The following THSD7B variants were observed in gnomAD, a reference collection of about 807,000 sequenced individuals.
THSD7B encodes the protein thrombospondin type-1 domain-containing protein 7B.
Under a neutral mutation model 213.6 loss-of-function variants are expected in THSD7B, and 138 were observed. The observed-to-expected ratio is 0.65, with a 90% CI of 0.56 to 0.74. The LOEUF (loss-of-function observed/expected upper bound fraction) is 0.74. Among genes scored for constraint, THSD7B ranks in the 30% least tolerant of loss-of-function variants. THSD7B has a pLI of 0.00. For missense variants in THSD7B, 1,931 were observed against 1,991.5 expected (o/e 0.97, Z 0.58); for synonymous variants, 742 against 687.0 (o/e 1.08, Z -1.25).
chr2:136,967,988 A>C (rs1685348355), intron 2 of THSD7B, among the ~76,000 whole-genome samples: 1 of 152,144 alleles, frequency 6.6e-6, no homozygotes, highest in East Asian at 1.9e-4. Context: ...TATTGAATGA[A>C]TATTTCACAA....
intron 12 of THSD7B, among the ~76,000 whole-genome samples, chr2:137,370,901 C>T (rs1389295284): frequency 1.3e-5 from 2 of 151,636 alleles, no homozygotes; most frequent in South Asian, 2.1e-4. Context: ...GCTATATACA[C>T]GTTTTTGAAA....
intron 1 of THSD7B, among the ~76,000 whole-genome samples, chr2:136,770,300 A>G (rs1681481939): frequency 6.6e-6 from 1 of 152,214 alleles, no homozygotes; most frequent in Non-Finnish European, 1.5e-5. Context: ...TAAGGCTTGC[A>G]GTAATCTCTT....
At chr2:137,248,896 T>C (rs940296595) in intron 10 of THSD7B, among the ~76,000 whole-genome samples, 1 of 152,184 alleles carries the variant, frequency 6.6e-6, no homozygotes, top group Non-Finnish European at 1.5e-5. Flanking sequence ...TTTGAGAAAT[T>C]AAACACAGCA....
intron 12 of THSD7B, among the ~76,000 whole-genome samples, chr2:137,395,845 G>A (rs867633613): frequency 6.7e-6 from 1 of 149,094 alleles, no homozygotes; most frequent in Non-Finnish European, 1.5e-5. Flanking sequence ...TTCAGCTCCT[G>A]TTATTGGTCT....
intron 16 of THSD7B, among the ~76,000 whole-genome samples, chr2:137,564,132 C>A (rs111273563): frequency 0.049 from 7,407 of 152,222 alleles, 259 homozygotes; most frequent in Non-Finnish European, 0.079. Flanking sequence ...ATTGCACATG[C>A]ATAGTGTATT....
At chr2:137,433,483 A>G (rs1364541021) in intron 14 of THSD7B, among the ~76,000 whole-genome samples, 4 of 151,858 alleles carry the variant, frequency 2.6e-5, no homozygotes, top group Non-Finnish European at 1.5e-5. Context: ...CAGCCTCCCA[A>G]GTAGCTGGGA....
chr2:137,071,151 A>G (rs1032892434), intron 3 of THSD7B, among the ~76,000 whole-genome samples: 7 of 152,178 alleles, frequency 4.6e-5, no homozygotes, highest in African/African-American at 1.7e-4. Flanking sequence ...GACTTCCACA[A>G]TGGTTGAACT....
intron 12 of THSD7B, among the ~76,000 whole-genome samples, chr2:137,315,372 AC>A (rs1684067358): frequency 6.6e-6 from 1 of 152,066 alleles, no homozygotes; most frequent in African/African-American, 2.4e-5. Flanking sequence ...CGGCTCATGC[AC>A]AGTGCGCGCA....
At chr2:137,412,772 A>G (rs1009171243) in intron 14 of THSD7B, among the ~76,000 whole-genome samples, 3 of 151,810 alleles carry the variant, frequency 2.0e-5, no homozygotes, top group Non-Finnish European at 4.4e-5. Flanking sequence ...AATTTGAAAG[A>G]TCTGGGTGTA....
At chr2:137,308,507 T>C (rs1683811263) in intron 12 of THSD7B, among the ~76,000 whole-genome samples, 1 of 152,132 alleles carries the variant, frequency 6.6e-6, no homozygotes, top group Non-Finnish European at 1.5e-5. Context: ...ATTGTAGATA[T>C]ATCATATTCC....
chr2:137,363,680 T>A (rs1345131998), intron 12 of THSD7B, among the ~76,000 whole-genome samples: 1 of 152,194 alleles, frequency 6.6e-6, no homozygotes, highest in Non-Finnish European at 1.5e-5. Flanking sequence ...CTCCCAAGGC[T>A]AAACCAGGAA....
At chr2:137,318,013 C>T (rs867521413) in intron 12 of THSD7B, among the ~76,000 whole-genome samples, 3 of 152,156 alleles carry the variant, frequency 2.0e-5, no homozygotes, top group Admixed American at 6.5e-5. Context: ...ATATTAGTTA[C>T]ATCATACATC....
chr2:137,246,380 A>C (rs72617057), intron 10 of THSD7B, among the ~76,000 whole-genome samples: 9,784 of 152,150 alleles, frequency 0.064, 639 homozygotes, highest in East Asian at 0.36. Context: ...GTTTGTGATA[A>C]CAACCAGGGA....
intron 3 of THSD7B, among the ~76,000 whole-genome samples, chr2:137,057,879 GTTTTA>G (rs1407528971): frequency 6.6e-6 from 1 of 152,154 alleles, no homozygotes; most frequent in Non-Finnish European, 1.5e-5. Context: ...ATTTATGCTT[GTTTTA>G]TTTTAAATTG....
chr2:136,824,161 A>T (rs1024289261), intron 1 of THSD7B, among the ~76,000 whole-genome samples: 4 of 152,178 alleles, frequency 2.6e-5, no homozygotes, highest in African/African-American at 9.6e-5. Flanking sequence ...ATTTGAATGT[A>T]GATAGTTGCT....
At chr2:137,164,395 G>A (rs1178504689) in intron 6 of THSD7B, among the ~76,000 whole-genome samples, 1 of 152,180 alleles carries the variant, frequency 6.6e-6, no homozygotes, top group African/African-American at 2.4e-5. Flanking sequence ...TGCTGGAGAG[G>A]ATGTGGAGAA....
At chr2:137,060,069 T>C (rs1331050815) in intron 3 of THSD7B, among the ~76,000 whole-genome samples, 2 of 152,090 alleles carry the variant, frequency 1.3e-5, no homozygotes, top group African/African-American at 4.8e-5. Context: ...TTCGAATAGG[T>C]GTGTAATGGT....
At chr2:136,922,828 T>C (rs1476696206) in intron 2 of THSD7B, among the ~76,000 whole-genome samples, 3 of 152,228 alleles carry the variant, frequency 2.0e-5, no homozygotes, top group Non-Finnish European at 2.9e-5. Flanking sequence ...CCTATTCTCA[T>C]GTCAGAGTCC....
chr2:137,624,887 C>T (rs1468219997), intron 20 of THSD7B, among the ~76,000 whole-genome samples: 5 of 152,194 alleles, frequency 3.3e-5, no homozygotes, highest in African/African-American at 1.2e-4. Flanking sequence ...GGACTGTAAA[C>T]GAGTTCAACC....
Sources: gnomAD v4.1 joint callset for allele counts (sites outside exome capture counted in the v4.1 genomes callset) on GRCh38, gnomAD v4.1.1 for gene constraint, MANE v1.5 for transcripts, NCBI Gene and HGNC (gene_info 2026-07-23, HGNC 2026-07-21) for gene names.